AMZ1: variants seen among roughly 807,000 people sequenced by gnomAD.
AMZ1 encodes the protein archaemetzincin-1.
Under a neutral mutation model 29.9 loss-of-function variants are expected in AMZ1, and 39 were observed. The ratio of observed to expected loss-of-function variants is 1.30; its 90% CI spans 1.01 to 1.70. AMZ1 has a LOEUF of 1.70. Among genes scored for constraint, AMZ1 ranks in the 40% most tolerant of loss-of-function variants. The pLI, the probability that AMZ1 is intolerant of heterozygous loss-of-function variation, is 0.00. For missense variants in AMZ1, 1,041 were observed against 680.6 expected (o/e 1.53, Z -5.89); for synonymous variants, 458 against 304.0 (o/e 1.51, Z -5.27).
chr7:2,718,053 C>T lies in AMZ1; in HGVS notation c.*5175C>T, dbSNP rs1368657427. 6.6e-6 allele frequency among the ~76,000 whole-genome samples: 1 copy of T among 152,228 alleles called. No individual in the cohort carries two copies. The highest frequency in any genetic ancestry group is 1.5e-5 in the Non-Finnish European group (1 of 68,040). On this transcript the variant is annotated 3_prime_UTR_variant, in exon 7 of 7. Transcript: ENST00000683327. ...CGCGGCAGCCAGGCCCGTCCAACCT[C>T]CTGCCCTCTCTGAGAGGGGCCCGAG... is the stretch of plus-strand genomic sequence containing the variant.
chr7:2,723,034 T>C (rs1400427653), downstream of AMZ1, among the ~76,000 whole-genome samples: 4 of 152,046 alleles, frequency 2.6e-5, no homozygotes, highest in African/African-American at 9.7e-5. Flanking sequence ...GAAGGTTCAC[T>C]GTGTAAAAAA....
chr7:2,735,437 C>T (rs997791913), intron 4 of AMZ1, among the ~76,000 whole-genome samples: 8 of 150,300 alleles, frequency 5.3e-5, no homozygotes, highest in African/African-American at 2.0e-4. Flanking sequence ...CTTATCACCA[C>T]AGGACACAAA....
At chr7:2,706,762 C>T (rs921617405) in intron 3 of AMZ1, among the ~76,000 whole-genome samples, 9 of 151,946 alleles carry the variant, frequency 5.9e-5, no homozygotes, top group Admixed American at 3.9e-4. Flanking sequence ...TGGCAGGTTC[C>T]GGGGGTTAGG....
rs1789142541 is a variant in AMZ1 at position 2,716,702 on chromosome 7, G to GCC, written c.*3826_*3827dup. ...CAGGCCTCGGAGAGAGGGACCGGCT[G>GCC]CCCTGCCCAAGGCCCACCTGGACAG... is the stretch of plus-strand genomic sequence containing the variant. On this transcript the variant is annotated 3_prime_UTR_variant, in exon 7 of 7. Transcript: ENST00000683327. 6.6e-6 allele frequency among the ~76,000 whole-genome samples: 1 copy of GCC among 152,228 alleles called. No individual in the cohort carries two copies. Among genetic ancestry groups the GCC allele is most frequent in the Admixed American group, 6.5e-5 (1 of 15,276 alleles).
intron 4 of AMZ1, among the ~76,000 whole-genome samples, chr7:2,725,479 C>G (rs919457702): frequency 2.0e-5 from 3 of 152,214 alleles, no homozygotes; most frequent in Non-Finnish European, 4.4e-5. Flanking sequence ...CCCTGAACAC[C>G]GCAAATAACC....
rs1470596328 is a variant in AMZ1 at position 2,731,860 on chromosome 7, C to T, written n.550+22044C>T. 2 of 584,964 alleles carry T rather than the reference C, an allele frequency of 3.4e-6. No individual in the cohort carries two copies. The highest frequency in any genetic ancestry group is 5.7e-6 in the Non-Finnish European group (2 of 351,388). The allele number at this position is 584,964 out of a possible 1,614,324, so 36.2% of individuals were successfully genotyped here. The stretch of plus-strand genomic sequence containing the variant: ...GAAGGAAAGAGACTGACTTTTGCAA[C>T]AGGTTGAACCAGAAACCAAAAGCAA... On this transcript the variant is annotated intron_variant and non_coding_transcript_variant, in intron 4 of 4. Transcript: ENST00000489665. This position sits in a 1 kb window ranked among gnomAD's most constrained non-coding sequence, Gnocchi z 6.0.
rs7776970 is a variant in AMZ1 at position 2,712,853 on chromosome 7, G to A, written c.1472G>A (p.Arg491His). 466,998 of 1,523,004 alleles carry A rather than the reference G, an allele frequency of 0.31. 74,710 individuals are homozygous for A. The highest frequency in any genetic ancestry group is 0.53 in the African/African-American group (38,094 of 72,124). 94.3% of individuals were successfully genotyped at this position (1,523,004 alleles called of 1,614,324 possible). A position where few individuals can be genotyped will look rare whatever the true frequency, so the allele number is the denominator to read the frequency against. Residue 491 changes from arginine to histidine, a missense_variant, in exon 7 of 7, where the codon CGT becomes CAT. Coordinates refer to ENST00000683327, the MANE Select transcript of AMZ1 (RefSeq NM_001384743.1). ...CTCGCCAGAGCAGAGTCGGCCCCCC[G>A]TCCCTGGGATGGGGAAGAGAGTTAG... ...RKLARAESAPRPWDGEES is the reference protein window; with the variant it reads ...RKLARAESAPHPWDGEES
At position 2,754,582 on chromosome 7, in the gene AMZ1, TAA is replaced by T. The variant is rs34822125; in HGVS notation, n.551-10115_551-10114del. On this transcript the variant is annotated intron_variant and non_coding_transcript_variant, in intron 4 of 4. Transcript: ENST00000489665. Reference sequence around the variant, plus strand: ...ACATAGTGAGACCTCATCTCTACTTTAAAAAAAAAAAAAAAATTAGCCAGGTA... The same window carrying T: ...ACATAGTGAGACCTCATCTCTACTTTAAAAAAAAAAAAAATTAGCCAGGTA... Among the ~76,000 whole-genome samples the T allele has an allele frequency of 2.7e-3, 384 of 143,468 alleles. 1 individual carries two copies. The highest frequency in any genetic ancestry group is 6.1e-3 in the African/African-American group (238 of 38,746). 94.1% of individuals were successfully genotyped at this position (143,468 alleles called of 152,430 possible).
chr7:2,704,626 T>A (rs1483978922), intron 3 of AMZ1, among the ~76,000 whole-genome samples: 2 of 142,658 alleles, frequency 1.4e-5, no homozygotes, highest in African/African-American at 5.6e-5. Context: ...AGACGGAGTC[T>A]TGCTGTGTCA....
intron 4 of AMZ1, among the ~76,000 whole-genome samples, chr7:2,726,260 G>A (rs1031030127): frequency 6.6e-6 from 1 of 152,182 alleles, no homozygotes; most frequent in Non-Finnish European, 1.5e-5. Context: ...CTCGAGGCAG[G>A]TTGCTGGCCA....
intron 3 of AMZ1, among the ~76,000 whole-genome samples, chr7:2,708,146 A>T (rs34579418): frequency 0.37 from 55,909 of 151,934 alleles, 10,788 homozygotes; most frequent in East Asian, 0.66. Flanking sequence ...TTGTGATGGC[A>T]TCAGGCTCAG....
intron 4 of AMZ1, among the ~76,000 whole-genome samples, chr7:2,741,456 C>T (rs709280): frequency 6.6e-6 from 1 of 151,944 alleles, no homozygotes. Context: ...CCAGCAAGTG[C>T]GGCACCAGGC....
upstream of AMZ1, chr7:2,763,053 GGACGCA>G: frequency 8.0e-7 from 1 of 1,247,334 alleles, no homozygotes; most frequent in Non-Finnish European, 1.0e-6. Flanking sequence ...CGTTCCTCCA[GGACGCA>G]GACCGGGGCT....
Position 2,709,194 on chromosome 7 carries a change from A to AGGG in AMZ1, c.723_725dup (p.Gly242dup). The AGGG allele has an allele frequency of 6.5e-7, 1 of 1,532,572 alleles. No homozygotes were observed. Among genetic ancestry groups the AGGG allele is most frequent in the Non-Finnish European group, 8.8e-7 (1 of 1,141,544 alleles). The allele number at this position is 1,532,572 out of a possible 1,614,324, so 94.9% of individuals were successfully genotyped here. A position where few individuals can be genotyped will look rare whatever the true frequency, so the allele number is the denominator to read the frequency against. The stretch of plus-strand genomic sequence containing the variant: ...CGGCCCCGAGGCCCCCCTGCAGGAC[A>AGGG]GGGGCTGGGCCCTGTGCTTCAGTGC... On this transcript the variant is annotated inframe_insertion, in exon 5 of 7. Transcript: ENST00000683327.
intron 1 of AMZ1, among the ~76,000 whole-genome samples, chr7:2,692,874 AT>A (rs1233215651): frequency 6.6e-6 from 1 of 151,538 alleles, no homozygotes; most frequent in Non-Finnish European, 1.5e-5. Flanking sequence ...CTTTCCCCCA[AT>A]TTGTTCCAGC....
chr7:2,708,470 G>C (rs1366568434), intron 3 of AMZ1, 118 bp from the exon 4 acceptor site: 3 of 1,484,850 alleles, frequency 2.0e-6, no homozygotes, highest in Non-Finnish European at 1.8e-6. Context: ...GCCCACACCT[G>C]ACTTGGGAAG....
In AMZ1 at chr7:2,689,448, A is replaced by C. The variant is rs555698982; in HGVS notation, c.-219+1152A>C. ...GGGGAGGAGGAAGGAGAAGCGTCTGAGTTTACCCATGGTATTAATAGCAGC... is the reference window on the plus strand; with the variant it reads ...GGGGAGGAGGAAGGAGAAGCGTCTGCGTTTACCCATGGTATTAATAGCAGC... On this transcript the variant is annotated intron_variant, in intron 1 of 6. Transcript: ENST00000683327. 2.6e-5 allele frequency among the ~76,000 whole-genome samples: 4 copies of C among 152,112 alleles called. No homozygotes were observed. In the East Asian group the frequency reaches 7.8e-4, roughly 29 times the overall value.
At chr7:2,685,555 G>A (rs112836427), upstream of AMZ1, among the ~76,000 whole-genome samples, 2,339 of 126,950 alleles carry the variant, frequency 0.018, 58 homozygotes, top group African/African-American at 0.073. Context: ...GTGAGACTCC[G>A]TCTCAAAAAA....
chr7:2,764,222 G>C (rs1791706851), upstream of AMZ1, among the ~76,000 whole-genome samples: 1 of 150,812 alleles, frequency 6.6e-6, no homozygotes, highest in Admixed American at 6.6e-5. Flanking sequence ...ACGGGCACGT[G>C]CCACCTATCC....
Sources: gnomAD v4.1 joint callset for allele counts (sites outside exome capture counted in the v4.1 genomes callset) on GRCh38, gnomAD v4.1.1 for gene constraint, Gnocchi (gnomAD v3.1) non-coding constraint, MANE v1.5 for transcripts, NCBI Gene and HGNC (gene_info 2026-07-23, HGNC 2026-07-21) for gene names.